GNG12: variants seen among roughly 807,000 people sequenced by gnomAD.
The protein encoded by GNG12 is guanine nucleotide-binding protein G(I)/G(S)/G(O) subunit gamma-12.
For missense variants in GNG12, 69 were observed against 83.8 expected (o/e 0.82, Z 0.69); for synonymous variants, 28 against 29.7 (o/e 0.94, Z 0.19).
intron 2 of GNG12, among the ~76,000 whole-genome samples, chr1:67,754,673 A>C (rs185090017): frequency 2.6e-5 from 4 of 152,108 alleles, no homozygotes; most frequent in African/African-American, 9.7e-5. Flanking sequence ...CACAGTTTAG[A>C]TATCGCTTCC....
chr1:67,737,397 T>C (rs1037355094), intron 2 of GNG12, among the ~76,000 whole-genome samples: 2 of 152,224 alleles, frequency 1.3e-5, no homozygotes, highest in African/African-American at 2.4e-5. Flanking sequence ...CTGAAGAAAG[T>C]TGGTTCTGAA....
At chr1:67,803,443 G>A (rs187362516) in intron 1 of GNG12, among the ~76,000 whole-genome samples, 1 of 152,144 alleles carries the variant, frequency 6.6e-6, no homozygotes, top group Non-Finnish European at 1.5e-5. Context: ...CACTGATCTG[G>A]AGGAAGGTGA....
At chr1:67,709,850 AT>A in intron 2 of GNG12, among the ~76,000 whole-genome samples, 1 of 126,544 alleles carries the variant, frequency 7.9e-6, no homozygotes, top group African/African-American at 3.0e-5. Context: ...TTGTATATAT[AT>A]TTATATATAT....
intron 2 of GNG12, among the ~76,000 whole-genome samples, chr1:67,751,111 AC>A (rs1646536141): frequency 6.7e-6 from 1 of 150,330 alleles, no homozygotes; most frequent in African/African-American, 2.5e-5. Context: ...ACACACATTC[AC>A]CCCCTCACCC....
At chr1:67,759,814 C>T (rs958077017) in intron 2 of GNG12, among the ~76,000 whole-genome samples, 19 of 152,202 alleles carry the variant, frequency 1.2e-4, no homozygotes, top group Admixed American at 6.5e-5. Context: ...CTTCCCTCCA[C>T]TCTGGGTCCC....
intron 1 of GNG12, among the ~76,000 whole-genome samples, chr1:67,828,931 C>A (rs1416620765): frequency 1.3e-5 from 2 of 152,164 alleles, no homozygotes; most frequent in Non-Finnish European, 2.9e-5. Context: ...GTGCTTTTTC[C>A]AAAACAACAA....
intron 1 of GNG12, among the ~76,000 whole-genome samples, chr1:67,814,327 T>A (rs1049990072): frequency 6.6e-6 from 1 of 152,206 alleles, no homozygotes; most frequent in African/African-American, 2.4e-5. Flanking sequence ...CAACATTCAC[T>A]CTGAACTTCT....
At chr1:67,744,804 C>A (rs1368923426) in intron 2 of GNG12, among the ~76,000 whole-genome samples, 1 of 151,146 alleles carries the variant, frequency 6.6e-6, no homozygotes, top group Admixed American at 6.6e-5. Flanking sequence ...GGGGTAGATC[C>A]GGCATTTGAA....
At chr1:67,819,938 C>T (rs931593240) in intron 1 of GNG12, among the ~76,000 whole-genome samples, 6 of 152,198 alleles carry the variant, frequency 3.9e-5, no homozygotes, top group Admixed American at 3.9e-4. Flanking sequence ...CCCAGTCCAT[C>T]TCTCTGTCTC....
intron 1 of GNG12, among the ~76,000 whole-genome samples, chr1:67,824,062 G>C (rs1026102572): frequency 2.6e-5 from 4 of 152,166 alleles, no homozygotes; most frequent in African/African-American, 9.7e-5. Context: ...CCTTTAATGA[G>C]AGAAGGGGGG....
chr1:67,821,052 T>C (rs1220655180), intron 1 of GNG12, among the ~76,000 whole-genome samples: 1 of 152,176 alleles, frequency 6.6e-6, no homozygotes. Context: ...CCAAATATGG[T>C]GTTTCATCAA....
At chr1:67,766,165 T>G in intron 2 of GNG12, among the ~76,000 whole-genome samples, 1 of 137,970 alleles carries the variant, frequency 7.2e-6, no homozygotes, top group Admixed American at 7.1e-5. Context: ...AACAATGCCC[T>G]CATAGACAAG....
chr1:67,709,879 TATA>T (rs1557591759), intron 2 of GNG12, among the ~76,000 whole-genome samples: 3 of 119,392 alleles, frequency 2.5e-5, no homozygotes, highest in African/African-American at 1.0e-4. Flanking sequence ...TATATATATT[TATA>T]TATATAGTTA....
intron 2 of GNG12, among the ~76,000 whole-genome samples, chr1:67,731,800 G>A (rs1010646470): frequency 1.3e-5 from 2 of 152,216 alleles, no homozygotes; most frequent in East Asian, 1.9e-4. Context: ...CTTCGAGGGT[G>A]TAAAATGCAT....
At position 67,705,559 on chromosome 1, in the gene GNG12, C is replaced by T. The variant is rs369365588; in HGVS notation, c.111G>A (p.Ala37=). Residue 37 remains alanine (A), a synonymous_variant, in exon 4 of 4, where the codon GCG becomes GCA. Coordinates refer to ENST00000370982, the MANE Select transcript of GNG12 (RefSeq NM_018841.6). ...IERIKVSKAS[A]DLMSYCEEHA... is the part of the protein sequence containing the mutation. Reference sequence around the variant, plus strand: ...GTTCCTCACAGTAGGACATGAGGTCCGCTGATGCCTTCGAAACCTGACATG... The same window carrying T: ...GTTCCTCACAGTAGGACATGAGGTCTGCTGATGCCTTCGAAACCTGACATG... 25 of 1,607,438 alleles carry T rather than the reference C, an allele frequency of 1.6e-5. No homozygotes were observed. The highest frequency in any genetic ancestry group is 4.5e-5 in the East Asian group (2 of 44,816).
rs1470293833 is a variant in GNG12 at position 67,707,727 on chromosome 1, T to G, written c.-26-15A>C. The G allele has an allele frequency of 7.3e-7, 1 of 1,368,782 alleles. No homozygotes were observed. Among genetic ancestry groups the G allele is most frequent in the Non-Finnish European group, 1.0e-6 (1 of 982,676 alleles). 84.8% of individuals were successfully genotyped at this position (1,368,782 alleles called of 1,614,324 possible). A position where few individuals can be genotyped will look rare whatever the true frequency, so the allele number is the denominator to read the frequency against. On this transcript the variant is annotated splice_polypyrimidine_tract_variant and intron_variant, in intron 2 of 3. Transcript: ENST00000370982. Reference sequence around the variant, plus strand: ...TTACCTGAAATCTGAGGAGAATTTTTTTTAAAGACAAGTAACAGGCATCTT... The same window carrying G: ...TTACCTGAAATCTGAGGAGAATTTTGTTTAAAGACAAGTAACAGGCATCTT...
At chr1:67,765,058 A>G (rs1266709223) in intron 2 of GNG12, among the ~76,000 whole-genome samples, 3 of 152,258 alleles carry the variant, frequency 2.0e-5, no homozygotes, top group East Asian at 1.9e-4. Flanking sequence ...GACAAAATAT[A>G]TAAGAATACA....
At chr1:67,718,328 C>T (rs1369465570) in intron 2 of GNG12, among the ~76,000 whole-genome samples, 1 of 150,862 alleles carries the variant, frequency 6.6e-6, no homozygotes, top group East Asian at 1.9e-4. Flanking sequence ...ATGTGAGCCA[C>T]GTATGTGATT....
At chr1:67,754,926 A>G (rs1435858522) in intron 2 of GNG12, among the ~76,000 whole-genome samples, 1 of 152,238 alleles carries the variant, frequency 6.6e-6, no homozygotes, top group East Asian at 1.9e-4. Context: ...CATGTGATGA[A>G]GGTAAATCCA....
Sources: gnomAD v4.1 joint callset for allele counts (sites outside exome capture counted in the v4.1 genomes callset) on GRCh38, gnomAD v4.1.1 for gene constraint, MANE v1.5 for transcripts, NCBI Gene and HGNC (gene_info 2026-07-23, HGNC 2026-07-21) for gene names.